Variants in DDX52 observed in about 807,000 individuals in gnomAD.
DDX52 encodes DExD-box helicase 52, also known as probable ATP-dependent RNA helicase DDX52.
A neutral mutation model predicts 76.1 loss-of-function variants in DDX52; 59 were observed. That is an observed-to-expected ratio of 0.78 (90% CI 0.63 to 0.96). DDX52 has a LOEUF of 0.96. Ranked by LOEUF, DDX52 falls within the 40% of genes least tolerant of loss-of-function variation. DDX52 has a pLI of 0.00. For missense variants in DDX52, 707 were observed against 703.9 expected (o/e 1.00, Z -0.05); for synonymous variants, 231 against 244.1 (o/e 0.95, Z 0.50).
At chr17:37,628,243 C>T (rs774626179) in intron 6 of DDX52, among the ~76,000 whole-genome samples, 33 of 152,182 alleles carry the variant, frequency 2.2e-4, no homozygotes, top group Non-Finnish European at 4.3e-4. Context: ...TGTTTAACAA[C>T]ATCCTTGGCT....
Position 37,614,251 on chromosome 17 carries a change from G to T in DDX52, c.*45C>A. On this transcript the variant is annotated 3_prime_UTR_variant, in exon 15 of 15. Transcript: ENST00000617633. ...TCCATGAAAATAACATTCATGCTGG[G>T]ATCATAAAATTACATTTCTGGGACA... 1 of 1,578,384 alleles carries T rather than the reference G, an allele frequency of 6.3e-7. No individual in the cohort carries two copies. The highest frequency in any genetic ancestry group is 8.7e-7 in the Non-Finnish European group (1 of 1,155,854).
At chr17:37,623,116 T>A (rs1229776587) in intron 9 of DDX52, among the ~76,000 whole-genome samples, 1 of 152,236 alleles carries the variant, frequency 6.6e-6, no homozygotes, top group African/African-American at 2.4e-5. Flanking sequence ...CAACTATACT[T>A]AATGTCTCAC....
chr17:37,635,430 C>A, intron 2 of DDX52: 3 of 335,962 alleles, frequency 8.9e-6, no homozygotes, highest in Non-Finnish European at 1.7e-5. Context: ...GACTAGTTTG[C>A]CTTTTCTGGA....
At chr17:37,631,528 C>T (rs1367519767) in intron 4 of DDX52, 1 of 153,718 alleles carries the variant, frequency 6.5e-6, no homozygotes, top group African/African-American at 2.4e-5. Flanking sequence ...CATATGTTCT[C>T]TATCTTCACT....
intron 12 of DDX52, 23 bp downstream of exon 12, chr17:37,620,850 C>A: frequency 6.4e-7 from 1 of 1,574,236 alleles, no homozygotes; most frequent in Non-Finnish European, 8.6e-7. Flanking sequence ...GCCAATAACA[C>A]TAGGTTATTT....
At chr17:37,617,324 A>C (rs896971158) in intron 14 of DDX52, among the ~76,000 whole-genome samples, 1 of 152,244 alleles carries the variant, frequency 6.6e-6, no homozygotes, top group Non-Finnish European at 1.5e-5. Flanking sequence ...AAAAAACAAT[A>C]AATTATAGAC....
In DDX52 at chr17:37,612,505, G is replaced by C. The variant is rs1252172826; in HGVS notation, c.*1791C>G. On this transcript the variant is annotated 3_prime_UTR_variant, in exon 15 of 15. Transcript: ENST00000617633. The stretch of plus-strand genomic sequence containing the variant: ...ACGGGTTTGTAGCCTAGGAGCAACA[G>C]ACTATACCATATAGCCTAGGTGTAC... 1 of 152,180 alleles carries C rather than the reference G, an allele frequency of 6.6e-6. No individual in the cohort carries two copies. Among genetic ancestry groups the C allele is most frequent in the African/African-American group, 2.4e-5 (1 of 41,436 alleles). The allele number at this position is 152,180 out of a possible 1,614,324, so 9.4% of individuals were successfully genotyped here.
chr17:37,618,370 TTTTTC>T lies in DDX52; in HGVS notation c.1659_1663del (p.Lys554AspfsTer3). ...CCTTTCCAATGGTTTCTTAATCATC[TTTTTC>T]TTTTGTTTGCTGAAAGTTACAAAGT... On this transcript the variant is annotated frameshift_variant, in exon 14 of 15. Coordinates refer to ENST00000617633, the MANE Select transcript of DDX52 (RefSeq NM_007010.5). LOFTEE classifies it high-confidence loss of function. 2 of 1,584,806 alleles carry T rather than the reference TTTTTC, an allele frequency of 1.3e-6. No individual in the cohort carries two copies. The highest frequency in any genetic ancestry group is 1.7e-6 in the Non-Finnish European group (2 of 1,171,662).
intron 4 of DDX52, 121 bp downstream of exon 4, chr17:37,631,992 G>T: frequency 2.2e-6 from 3 of 1,378,398 alleles, no homozygotes; most frequent in South Asian, 2.5e-5. Context: ...ACCTTAAAAG[G>T]AAGTGAAGGA....
intron 2 of DDX52, among the ~76,000 whole-genome samples, chr17:37,641,661 C>T (rs2031207573): frequency 1.3e-5 from 2 of 151,912 alleles, no homozygotes; most frequent in African/African-American, 4.8e-5. Flanking sequence ...TGCTTGAACC[C>T]AGGAGGCAGA....
intron 3 of DDX52, among the ~76,000 whole-genome samples, chr17:37,632,999 C>T (rs1038180483): frequency 1.3e-5 from 2 of 152,136 alleles, no homozygotes; most frequent in Non-Finnish European, 2.9e-5. Flanking sequence ...TTATCGAAAG[C>T]AGTTACGAAA....
At chr17:37,623,727 G>GACT (rs2030219187) in intron 9 of DDX52, among the ~76,000 whole-genome samples, 1 of 152,176 alleles carries the variant, frequency 6.6e-6, no homozygotes, top group South Asian at 2.1e-4. Flanking sequence ...GCCCCATTAT[G>GACT]ACTATATGGA....
rs1322173623 is a variant in DDX52, at chr17:37,611,480, A to T, written c.*2816T>A. The T allele has an allele frequency of 1.1e-4, 16 of 152,170 alleles. No individual in the cohort carries two copies. Among genetic ancestry groups the T allele is most frequent in the Admixed American group, 1.0e-3 (16 of 15,270 alleles). The allele number at this position is 152,170 out of a possible 1,614,324, so 9.4% of individuals were successfully genotyped here. On this transcript the variant is annotated 3_prime_UTR_variant, in exon 15 of 15. Transcript: ENST00000617633. ...ATTTTAGGCTAAGTGTTATGACAAG[A>T]ATCAAAAAAGTTTATAAAGGCCGGA...
chr17:37,626,130 G>A, intron 7 of DDX52, 32 bp from the exon 8 acceptor site: 1 of 1,609,082 alleles, frequency 6.2e-7, no homozygotes, highest in Middle Eastern at 1.7e-4. Context: ...TGTGGATACT[G>A]AACTGAAAGA....
In DDX52 at chr17:37,643,421, C is replaced by T. The variant is rs773960204; in HGVS notation, c.-1G>A. On this transcript the variant is annotated 5_prime_UTR_variant, in exon 1 of 15. Transcript: ENST00000617633. ...GGCGAAAGAGATCGTGGACGTCCAT[C>T]TTTACCCAGAAAGCGCCACAGTTCT... 1 of 1,613,856 alleles carries T rather than the reference C, an allele frequency of 6.2e-7. No homozygotes were observed. Among genetic ancestry groups the T allele is most frequent in the East Asian group, 2.2e-5 (1 of 44,870 alleles).
At chr17:37,622,679 A>G (rs2030166266) in intron 9 of DDX52, among the ~76,000 whole-genome samples, 1 of 152,206 alleles carries the variant, frequency 6.6e-6, no homozygotes, top group Admixed American at 6.5e-5. Flanking sequence ...GTAACTACTC[A>G]TTCACACAAA....
At chr17:37,638,700 T>A (rs2031042265) in intron 2 of DDX52, among the ~76,000 whole-genome samples, 1 of 152,074 alleles carries the variant, frequency 6.6e-6, no homozygotes, top group Admixed American at 6.6e-5. Context: ...AAATAAAATT[T>A]CACAGGGTCA....
chr17:37,618,480 C>CA (rs1416649324), intron 13 of DDX52, 96 bp from the exon 14 acceptor site: 2 of 1,061,364 alleles, frequency 1.9e-6, no homozygotes, highest in Admixed American at 6.8e-5. Flanking sequence ...TCACAAAATT[C>CA]ATTTTTTTTT....
At chr17:37,618,717 C>A (rs2029923407) in intron 13 of DDX52, among the ~76,000 whole-genome samples, 1 of 152,142 alleles carries the variant, frequency 6.6e-6, no homozygotes, top group Admixed American at 6.5e-5. Flanking sequence ...AAACTCCCGA[C>A]CTCAGGTCCC....
Sources: gnomAD v4.1 joint callset for allele counts (sites outside exome capture counted in the v4.1 genomes callset) on GRCh38, gnomAD v4.1.1 for gene constraint, MANE v1.5 for transcripts, NCBI Gene and HGNC (gene_info 2026-07-23, HGNC 2026-07-21) for gene names.